Variants in CSMD1 observed in about 807,000 individuals in gnomAD.
The protein encoded by CSMD1 is CUB and sushi domain-containing protein 1.
Under a neutral mutation model 417.5 loss-of-function variants are expected in CSMD1, and 213 were observed. The observed-to-expected ratio is 0.51, with a 90% confidence interval of 0.46 to 0.57. The LOEUF is 0.57. Ranked by LOEUF, CSMD1 falls within the 20% of genes least tolerant of loss-of-function variation. The probability of loss-of-function intolerance (pLI) is 0.00; values close to 1 mark genes in which losing one functional copy is unlikely to be tolerated. For missense variants in CSMD1, 6,923 were observed against 4,529.7 expected, an observed-to-expected ratio of 1.53 and a Z score of -15.17; for synonymous variants, 2,862 against 1,736.8, an observed-to-expected ratio of 1.65 and a Z score of -16.11.
intron 5 of CSMD1, among the ~76,000 whole-genome samples, chr8:3,825,919 G>A (rs968511818): frequency 6.6e-6 from 1 of 152,182 alleles, no homozygotes; most frequent in Non-Finnish European, 1.5e-5. Flanking sequence ...ATGCAGGTAA[G>A]AATTCATTTT....
At chr8:4,861,056 C>T (rs1477450649) in intron 1 of CSMD1, among the ~76,000 whole-genome samples, 5 of 152,224 alleles carry the variant, frequency 3.3e-5, no homozygotes, top group Admixed American at 3.3e-4. Flanking sequence ...CCTCTAAAAG[C>T]TCCTTTTGTT....
Position 2,974,573 on chromosome 8 carries a change from T to A in CSMD1, c.8618A>T (p.Glu2873Val). The A allele has an allele frequency of 6.2e-7, 1 of 1,612,792 alleles. No homozygotes were observed. The highest frequency in any genetic ancestry group is 8.5e-7 in the Non-Finnish European group (1 of 1,179,396). ...GVPANAVLTG[E>V]LFTYGAVVHY... Reference sequence around the variant, plus strand: ...CACGACGGCGCCATAGGTAAACAGCTCTCCAGTGAGGACGGCGTTGGCAGG... The same window carrying A: ...CACGACGGCGCCATAGGTAAACAGCACTCCAGTGAGGACGGCGTTGGCAGG... Residue 2873 changes from glutamate to valine, a missense_variant, in exon 56 of 70, where the codon GAG becomes GTG. Transcript: ENST00000635120.
rs566060012 is a variant in CSMD1, at chr8:3,134,551, G to A, written c.6241+7914C>T. 1.4e-4 allele frequency among the ~76,000 whole-genome samples: 22 copies of A among 152,354 alleles called. No individual in the cohort carries two copies. In the South Asian group the frequency reaches 3.9e-3, roughly 27 times the overall value. On this transcript the variant is annotated intron_variant, in intron 41 of 69. Coordinates refer to ENST00000635120, the MANE Select transcript of CSMD1 (RefSeq NM_033225.6). The stretch of plus-strand genomic sequence containing the variant: ...GGAGTTTTCCCACAGTGGCCGTTCT[G>A]CAGCTTAGGGATGGTCGAGTGGTTT...
intron 25 of CSMD1, among the ~76,000 whole-genome samples, chr8:3,294,850 C>G (rs1289621155): frequency 6.6e-6 from 1 of 152,198 alleles, no homozygotes; most frequent in African/African-American, 2.4e-5. Context: ...CTTTCCGACA[C>G]TCCCCAGTGA....
At chr8:4,815,223 AATGATTATTT>A (rs1799136775) in intron 1 of CSMD1, among the ~76,000 whole-genome samples, 1 of 152,038 alleles carries the variant, frequency 6.6e-6, no homozygotes, top group Non-Finnish European at 1.5e-5. Context: ...GGTTTCATCA[AATGATTATTT>A]GATGAAACCA....
intron 3 of CSMD1, among the ~76,000 whole-genome samples, chr8:4,139,899 G>A (rs890124572): frequency 6.6e-6 from 1 of 151,020 alleles, no homozygotes; most frequent in Non-Finnish European, 1.5e-5. Context: ...AGGGTGGAAG[G>A]GAGGACACCT....
intron 5 of CSMD1, among the ~76,000 whole-genome samples, chr8:3,852,566 G>A (rs935832656): frequency 6.6e-6 from 1 of 152,120 alleles, no homozygotes; most frequent in African/African-American, 2.4e-5. Context: ...TGGGAGGAGG[G>A]ATGGAGTAGA....
intron 1 of CSMD1, among the ~76,000 whole-genome samples, chr8:4,950,453 A>C (rs1387082713): frequency 6.6e-6 from 1 of 152,202 alleles, no homozygotes; most frequent in African/African-American, 2.4e-5. Flanking sequence ...ACTTGTGAAA[A>C]AGCAGAACAC....
intron 1 of CSMD1, among the ~76,000 whole-genome samples, chr8:4,965,915 T>C (rs1809826934): frequency 6.6e-6 from 1 of 152,172 alleles, no homozygotes; most frequent in South Asian, 2.1e-4. Context: ...TGAAGCAGGA[T>C]GTGTATGTAA....
intron 3 of CSMD1, among the ~76,000 whole-genome samples, chr8:4,098,309 C>G (rs553711049): frequency 6.6e-6 from 1 of 152,264 alleles, no homozygotes; most frequent in South Asian, 2.1e-4. Flanking sequence ...ACAAGAACTT[C>G]ATAAAGTATC....
intron 3 of CSMD1, among the ~76,000 whole-genome samples, chr8:4,213,988 C>G (rs1451375933): frequency 1.3e-5 from 2 of 152,034 alleles, no homozygotes; most frequent in African/African-American, 2.4e-5. Flanking sequence ...TCAAGGCACA[C>G]AAACAGAAAG....
chr8:3,886,073 C>A (rs1226936158), intron 5 of CSMD1, among the ~76,000 whole-genome samples: 1 of 151,618 alleles, frequency 6.6e-6, no homozygotes, highest in Non-Finnish European at 1.5e-5. Context: ...TTTTTTGAGA[C>A]AGACTCTTGC....
chr8:3,270,104 C>T (rs905443226), intron 26 of CSMD1, among the ~76,000 whole-genome samples: 1 of 130,604 alleles, frequency 7.7e-6, no homozygotes. Context: ...GGGCGAAGTA[C>T]AGTGGCACTG....
At chr8:4,026,417 A>C (rs987620562) in intron 4 of CSMD1, among the ~76,000 whole-genome samples, 1 of 152,248 alleles carries the variant, frequency 6.6e-6, no homozygotes, top group East Asian at 1.9e-4. Context: ...GCAGCATAGG[A>C]AAGACACTTA....
At chr8:3,252,547 G>C (rs1009117614) in intron 26 of CSMD1, among the ~76,000 whole-genome samples, 5 of 152,142 alleles carry the variant, frequency 3.3e-5, no homozygotes, top group South Asian at 2.1e-4. Context: ...TGTCTGCCAG[G>C]CTTTGGTATC....
chr8:3,672,148 T>A (rs73183311), intron 7 of CSMD1, among the ~76,000 whole-genome samples: 23,796 of 152,160 alleles, frequency 0.16, 2,088 homozygotes, highest in South Asian at 0.22. Context: ...CAAACTTGTT[T>A]TCTAGTGTGA....
At chr8:4,283,488 A>G (rs1796899336) in intron 3 of CSMD1, among the ~76,000 whole-genome samples, 1 of 152,146 alleles carries the variant, frequency 6.6e-6, no homozygotes, top group South Asian at 2.1e-4. Context: ...GTACCAATAT[A>G]TTTTGCTTTT....
intron 10 of CSMD1, among the ~76,000 whole-genome samples, chr8:3,533,010 A>C (rs1321905571): frequency 6.6e-6 from 1 of 152,330 alleles, no homozygotes; most frequent in East Asian, 1.9e-4. Flanking sequence ...ATAACAAATT[A>C]AGTGAATAAT....
chr8:4,692,801 T>A (rs573621584), intron 1 of CSMD1, among the ~76,000 whole-genome samples: 1 of 152,336 alleles, frequency 6.6e-6, no homozygotes, highest in South Asian at 2.1e-4. Flanking sequence ...CCTGGAATTC[T>A]CAAATTTTTA....
Sources: allele counts gnomAD v4.1 joint callset (sites outside exome capture counted in the v4.1 genomes callset), GRCh38; gene constraint gnomAD v4.1.1; transcripts MANE v1.5; gene names NCBI Gene and HGNC (gene_info 2026-07-23, HGNC 2026-07-21).